METTL15: variants seen among roughly 807,000 people sequenced by gnomAD.
METTL15 encodes 12S rRNA N(4)-cytidine methyltransferase METTL15.
A neutral mutation model predicts 38.3 loss-of-function variants in METTL15; 34 were observed. The observed-to-expected ratio is 0.89, with a 90% CI of 0.68 to 1.18. The LOEUF is 1.18. Among genes scored for constraint, METTL15 ranks in the 50% most tolerant of loss-of-function variants. The pLI is 0.00. For synonymous variants in METTL15, 162 were observed against 170.9 expected (o/e 0.95, Z 0.41); for missense variants, 438 against 498.4 (o/e 0.88, Z 1.15).
chr11:28,261,120 A>C (rs1855184347), intron 4 of METTL15: 1 of 152,196 alleles, frequency 6.6e-6, no homozygotes, highest in Admixed American at 6.5e-5. Context: ...ATAATATCTG[A>C]AGATTCCGTG....
At chr11:28,206,201 G>T (rs911608177) in intron 3 of METTL15, among the ~76,000 whole-genome samples, 1 of 151,488 alleles carries the variant, frequency 6.6e-6, no homozygotes, top group Non-Finnish European at 1.5e-5. Flanking sequence ...GTCCTAAATG[G>T]TAATGCCTAG....
At chr11:28,141,227 A>C (rs1849688328) in intron 3 of METTL15, among the ~76,000 whole-genome samples, 1 of 152,116 alleles carries the variant, frequency 6.6e-6, no homozygotes, top group Non-Finnish European at 1.5e-5. Flanking sequence ...GTATTGTCCA[A>C]ACTGTCTTCA....
intron 3 of METTL15, among the ~76,000 whole-genome samples, chr11:28,157,774 A>G (rs1194972562): frequency 6.6e-6 from 1 of 151,832 alleles, no homozygotes; most frequent in Non-Finnish European, 1.5e-5. Context: ...CACGGTCCCC[A>G]CTCCTGCCAC....
chr11:28,189,560 C>G, intron 3 of METTL15, among the ~76,000 whole-genome samples: 1 of 151,104 alleles, frequency 6.6e-6, no homozygotes, highest in Non-Finnish European at 1.5e-5. Context: ...CTGAATTTAT[C>G]AGAATCTCAA....
At chr11:28,463,969 G>A (rs1405364402) in intron 6 of METTL15, among the ~76,000 whole-genome samples, 4 of 152,120 alleles carry the variant, frequency 2.6e-5, no homozygotes, top group East Asian at 3.9e-4. Context: ...TAAAGCTAGA[G>A]ATGAGTGGGC....
downstream of METTL15, among the ~76,000 whole-genome samples, chr11:28,529,576 G>T (rs1851832861): frequency 8.0e-6 from 1 of 124,272 alleles, no homozygotes; most frequent in Admixed American, 1.0e-4. Context: ...GAATACACTT[G>T]TCCAGATTAT....
At chr11:28,529,721 C>G (rs935314731), downstream of METTL15, among the ~76,000 whole-genome samples, 7 of 151,992 alleles carry the variant, frequency 4.6e-5, no homozygotes, top group Non-Finnish European at 8.8e-5. Flanking sequence ...GGGGTTCTTT[C>G]ATTTCTCCAA....
At chr11:28,162,738 CAAAT>C (rs1850511580) in intron 3 of METTL15, among the ~76,000 whole-genome samples, 1 of 151,808 alleles carries the variant, frequency 6.6e-6, no homozygotes, top group Non-Finnish European at 1.5e-5. Context: ...TTGTAGTAGA[CAAAT>C]AGGTAAAATA....
chr11:28,530,387 A>G (rs964823104), downstream of METTL15, among the ~76,000 whole-genome samples: 1 of 152,172 alleles, frequency 6.6e-6, no homozygotes, highest in Non-Finnish European at 1.5e-5. Flanking sequence ...GGCTGAATGC[A>G]GAGTATCTGG....
At chr11:28,354,680 G>A (rs1373510756) in intron 4 of METTL15, among the ~76,000 whole-genome samples, 2 of 152,126 alleles carry the variant, frequency 1.3e-5, no homozygotes, top group Non-Finnish European at 2.9e-5. Flanking sequence ...AAAGGTCAGG[G>A]CAGTGAATAT....
rs79837910 is a variant in METTL15 at position 28,349,687 on chromosome 11, G to A, written c.*190-2403G>A. On this transcript the variant is annotated intron_variant and NMD_transcript_variant, in intron 3 of 7. Coordinates refer to the METTL15 transcript ENST00000532947. ...ATTATTTAATCTGCCCAGTTCTTAG[G>A]CATGTAATTCAATGAGTTTTAACAA... 2.1e-3 allele frequency among the ~76,000 whole-genome samples: 317 copies of A among 152,124 alleles called. 3 individuals carry two copies. The highest frequency in any genetic ancestry group is 7.5e-3 in the African/African-American group (310 of 41,492).
At chr11:28,170,804 T>C (rs1850829735) in intron 3 of METTL15, among the ~76,000 whole-genome samples, 2 of 152,170 alleles carry the variant, frequency 1.3e-5, no homozygotes, top group Non-Finnish European at 2.9e-5. Flanking sequence ...TGGTCGGTTT[T>C]GGCCAGCTTC....
the METTL15 span, among the ~76,000 whole-genome samples, chr11:28,532,245 G>A: frequency 1.3e-5 from 2 of 151,970 alleles, no homozygotes. Context: ...TTTGTTCCCT[G>A]TGTTGGTGAG....
chr11:28,149,527 A>C (rs905341273), intron 3 of METTL15, among the ~76,000 whole-genome samples: 2 of 151,956 alleles, frequency 1.3e-5, no homozygotes, highest in African/African-American at 4.8e-5. Context: ...GTTACTTTGC[A>C]GGTTACCTTT....
At chr11:28,243,220 A>G (rs529936898) in intron 4 of METTL15, among the ~76,000 whole-genome samples, 73 of 152,268 alleles carry the variant, frequency 4.8e-4, no homozygotes, top group African/African-American at 1.6e-3. Flanking sequence ...CATTGATGTA[A>G]GTTTAACAGT....
At chr11:28,153,696 G>A (rs1314602105) in intron 3 of METTL15, among the ~76,000 whole-genome samples, 2 of 152,284 alleles carry the variant, frequency 1.3e-5, no homozygotes, top group African/African-American at 2.4e-5. Flanking sequence ...AGTCTACTGA[G>A]TGGGCAAAGA....
exon 8 of METTL15, chr11:28,526,624 A>T (rs1851814074): frequency 6.6e-6 from 1 of 152,166 alleles, no homozygotes; most frequent in Admixed American, 6.5e-5. Context: ...AGGCCCAGGA[A>T]AGGGAAGAAT....
At chr11:28,185,029 A>G (rs1241626833) in intron 3 of METTL15, among the ~76,000 whole-genome samples, 3 of 151,562 alleles carry the variant, frequency 2.0e-5, no homozygotes, top group South Asian at 2.1e-4. Context: ...GTTAACATAT[A>G]TAAGAAAATG....
At chr11:28,401,860 T>A (rs899807629) in intron 5 of METTL15, among the ~76,000 whole-genome samples, 1 of 152,066 alleles carries the variant, frequency 6.6e-6, no homozygotes, top group African/African-American at 2.4e-5. Context: ...TATTTTACTT[T>A]CATTGTAATT....
Sources: gnomAD v4.1 joint callset for allele counts (sites outside exome capture counted in the v4.1 genomes callset) on GRCh38, gnomAD v4.1.1 for gene constraint, MANE v1.5 for transcripts, NCBI Gene and HGNC (gene_info 2026-07-23, HGNC 2026-07-21) for gene names.